Variants in ACSL1 observed in about 807,000 individuals in gnomAD.
ACSL1 encodes long-chain-fatty-acid--CoA ligase 1.
ACSL1 carries 41 observed loss-of-function variants against 98.4 expected under a neutral mutation model. The observed-to-expected ratio is 0.42, with a 90% CI of 0.32 to 0.54. The LOEUF is 0.54. Among genes scored for constraint, ACSL1 ranks in the 20% least tolerant of loss-of-function variants. The pLI, the probability that ACSL1 is intolerant of heterozygous loss-of-function variation, is 0.13. For missense variants in ACSL1, 734 were observed against 883.1 expected (o/e 0.83, Z 2.14); for synonymous variants, 316 against 322.7 (o/e 0.98, Z 0.22).
At chr4:184,769,947 G>A (rs1487296874) in intron 11 of ACSL1, among the ~76,000 whole-genome samples, 1 of 152,228 alleles carries the variant, frequency 6.6e-6, no homozygotes, top group East Asian at 1.9e-4. Flanking sequence ...TTAGTCGCAA[G>A]CCAACTTGTG....
chr4:184,768,508 TATGG>T, intron 11 of ACSL1, 58 bp from the exon 12 acceptor site: 1 of 1,554,504 alleles, frequency 6.4e-7, no homozygotes, highest in African/African-American at 1.4e-5. Flanking sequence ...TTACACAACA[TATGG>T]ACAACATCCA....
intron 17 of ACSL1, among the ~76,000 whole-genome samples, chr4:184,760,738 C>T (rs74476612): frequency 1.1e-4 from 17 of 152,166 alleles, no homozygotes; most frequent in African/African-American, 3.1e-4. Flanking sequence ...TCCTAGAGCC[C>T]GTGCTTATTC....
At chr4:184,798,037 G>A (rs144543195) in intron 2 of ACSL1, among the ~76,000 whole-genome samples, 6 of 152,218 alleles carry the variant, frequency 3.9e-5, no homozygotes, top group East Asian at 3.9e-4. Flanking sequence ...AAGGGCCACC[G>A]GCCAGCATGT....
intron 10 of ACSL1, 101 bp downstream of exon 10, chr4:184,772,980 T>C (rs1207168731): frequency 9.2e-7 from 1 of 1,092,490 alleles, no homozygotes; most frequent in Non-Finnish European, 1.4e-6. Flanking sequence ...CGTTTCTAAA[T>C]GCCACATGGA....
intron 11 of ACSL1, 180 bp downstream of exon 11, chr4:184,770,219 T>C: frequency 6.6e-7 from 1 of 1,518,548 alleles, no homozygotes; most frequent in Non-Finnish European, 8.8e-7. Context: ...AGCAGAGAAT[T>C]CTCTATAGGG....
intron 5 of ACSL1, 50 bp downstream of exon 5, chr4:184,780,282 T>G (rs752668326): frequency 1.4e-6 from 2 of 1,479,154 alleles, no homozygotes; most frequent in Non-Finnish European, 1.9e-6. Context: ...TAGGCTCTTA[T>G]ATCTGAGAAT....
chr4:184,795,255 C>G (rs536949629), intron 2 of ACSL1, among the ~76,000 whole-genome samples: 37 of 152,328 alleles, frequency 2.4e-4, no homozygotes, highest in African/African-American at 8.9e-4. Context: ...ACACAGCCTA[C>G]GCTGGTCATT....
intron 11 of ACSL1, 34 bp downstream of exon 11, chr4:184,770,365 C>T: frequency 5.0e-6 from 8 of 1,609,586 alleles, no homozygotes; most frequent in Non-Finnish European, 6.8e-6. Context: ...AGAACATACA[C>T]AAACAAGCAA....
intron 3 of ACSL1, among the ~76,000 whole-genome samples, chr4:184,787,894 A>G (rs1767675895): frequency 6.6e-6 from 1 of 150,878 alleles, no homozygotes; most frequent in African/African-American, 2.4e-5. Context: ...AAGTCTGGGC[A>G]TGGTGGCTCA....
chr4:184,788,533 G>C (rs1166521241), intron 3 of ACSL1, 84 bp downstream of exon 3: 3 of 1,103,214 alleles, frequency 2.7e-6, no homozygotes, highest in East Asian at 4.7e-5. Context: ...CGAAAGATAG[G>C]AGCAAATGTG....
chr4:184,767,353 CG>C (rs1257990560), intron 12 of ACSL1, among the ~76,000 whole-genome samples: 4 of 151,718 alleles, frequency 2.6e-5, no homozygotes, highest in African/African-American at 9.7e-5. Flanking sequence ...ACTATTTGGC[CG>C]TTAAAAGGAA....
intron 7 of ACSL1, 68 bp downstream of exon 7, chr4:184,776,416 A>T: frequency 6.5e-7 from 1 of 1,543,170 alleles, no homozygotes; most frequent in East Asian, 2.2e-5. Context: ...ATAGCACTGG[A>T]TAGCACGTGT....
chr4:184,806,519 G>A (rs1033917115), intron 1 of ACSL1, among the ~76,000 whole-genome samples: 6 of 152,128 alleles, frequency 3.9e-5, no homozygotes, highest in African/African-American at 1.4e-4. Flanking sequence ...ATTTGCAGGT[G>A]CTGTTCAACA....
At chr4:184,808,590 C>T (rs1343997353) in intron 1 of ACSL1, 9 of 816,010 alleles carry the variant, frequency 1.1e-5, no homozygotes, top group Middle Eastern at 5.9e-4. Context: ...AGGCTGAAAG[C>T]GCCCCCTTTG....
chr4:184,826,159 C>T (rs1773481321), upstream of ACSL1: 1 of 148,302 alleles, frequency 6.7e-6, no homozygotes, highest in Non-Finnish European at 1.5e-5. Flanking sequence ...CGCCGAGCGC[C>T]CGGCCGCCCT....
intron 1 of ACSL1, chr4:184,813,600 C>T (rs1214011958): frequency 3.7e-6 from 1 of 267,646 alleles, no homozygotes; most frequent in Non-Finnish European, 7.9e-6. Flanking sequence ...AACATGACAG[C>T]ATGTTCTAAG....
chr4:184,785,600 C>CGG (rs1174393165), intron 3 of ACSL1, among the ~76,000 whole-genome samples: 5 of 19,186 alleles, frequency 2.6e-4, no homozygotes, highest in African/African-American at 3.2e-4. Context: ...TCCTCCTGGG[C>CGG]GGGGGCGGGG....
Position 184,795,138 on chromosome 4 carries a change from T to C in ACSL1, c.196-6407A>G, listed in dbSNP as rs531255101. Among the ~76,000 whole-genome samples the C allele has an allele frequency of 1.7e-3, 256 of 152,334 alleles. 1 individual carries two copies. The highest frequency in any genetic ancestry group is 3.0e-3 in the Non-Finnish European group (206 of 68,032). ...AATTTACATGCCAACCATTTGAATATACAAGGCATCTGCTTCACTTCTGCC... is the reference window on the plus strand; with the variant it reads ...AATTTACATGCCAACCATTTGAATACACAAGGCATCTGCTTCACTTCTGCC... On this transcript the variant is annotated intron_variant, in intron 2 of 20. Coordinates refer to ENST00000281455, the MANE Select transcript of ACSL1 (RefSeq NM_001995.5).
At chr4:184,759,687 G>C (rs1358543069) in intron 18 of ACSL1, among the ~76,000 whole-genome samples, 3 of 152,128 alleles carry the variant, frequency 2.0e-5, no homozygotes, top group Non-Finnish European at 4.4e-5. Context: ...GGAAACAACA[G>C]GTGCTGGAGA....
Sources: allele counts gnomAD v4.1 joint callset (sites outside exome capture counted in the v4.1 genomes callset), GRCh38; gene constraint gnomAD v4.1.1; transcripts MANE v1.5; gene names NCBI Gene and HGNC (gene_info 2026-07-23, HGNC 2026-07-21).